The following ANXA8 variants were observed in gnomAD, a reference collection of about 807,000 sequenced individuals.
ANXA8 encodes the protein annexin A8.
Under a neutral mutation model 26.8 loss-of-function variants are expected in ANXA8, and 9 were observed. That is an observed-to-expected ratio of 0.34 (90% confidence interval 0.20 to 0.59). The LOEUF (loss-of-function observed/expected upper bound fraction) is 0.59, where lower values mean the gene tolerates loss of function less well. ANXA8 is among the 20% of genes least tolerant of loss of function. The pLI is 0.84. For synonymous variants in ANXA8, 39 were observed against 94.8 expected (o/e 0.41, Z 3.42); for missense variants, 83 against 238.5 (o/e 0.35, Z 4.29).
At chr10:47,594,972 C>G in the ANXA8 span, among the ~76,000 whole-genome samples, 1 of 149,326 alleles carries the variant, frequency 6.7e-6, no homozygotes, top group Non-Finnish European at 1.5e-5. Flanking sequence ...TTAGACTATC[C>G]AAGGTTAACA....
At chr10:47,951,413 A>G in the ANXA8 span, among the ~76,000 whole-genome samples, 1 of 150,330 alleles carries the variant, frequency 6.7e-6, no homozygotes, top group South Asian at 2.1e-4. Context: ...GTAAAGGAGG[A>G]GGAAAGACTT....
chr10:47,951,811 C>CAAAAA, the ANXA8 span, among the ~76,000 whole-genome samples: 28 of 94,544 alleles, frequency 3.0e-4, no homozygotes, highest in Admixed American at 3.9e-4. Flanking sequence ...ACTCTGTCTC[C>CAAAAA]AAAAAAAAAA....
At chr10:47,721,580 G>A in the ANXA8 span, among the ~76,000 whole-genome samples, 1 of 133,148 alleles carries the variant, frequency 7.5e-6, no homozygotes, top group Non-Finnish European at 1.6e-5. Context: ...TGCCCAGGCT[G>A]GAGTGCACTG....
At chr10:47,653,291 G>A in the ANXA8 span, among the ~76,000 whole-genome samples, 5 of 149,480 alleles carry the variant, frequency 3.3e-5, no homozygotes, top group Non-Finnish European at 2.9e-5. Flanking sequence ...CAGCCTGGGC[G>A]ACAGAGCAAG....
At chr10:47,671,370 C>T in the ANXA8 span, among the ~76,000 whole-genome samples, 7 of 151,678 alleles carry the variant, frequency 4.6e-5, no homozygotes, top group South Asian at 2.1e-4. Context: ...TGTGGTGAGC[C>T]GAGATCGTAG....
the ANXA8 span, among the ~76,000 whole-genome samples, chr10:47,979,469 A>G: frequency 1.3e-5 from 2 of 151,604 alleles, no homozygotes; most frequent in Non-Finnish European, 3.0e-5. Context: ...ACCACGTTAC[A>G]TTACATGACA....
At chr10:47,578,865 T>C in the ANXA8 span, among the ~76,000 whole-genome samples, 1 of 151,988 alleles carries the variant, frequency 6.6e-6, no homozygotes, top group Non-Finnish European at 1.5e-5. Flanking sequence ...TGGGGTTTCT[T>C]TGAGACAGAG....
At chr10:47,610,089 G>T in the ANXA8 span, among the ~76,000 whole-genome samples, 1 of 138,974 alleles carries the variant, frequency 7.2e-6, no homozygotes, top group African/African-American at 2.9e-5. Flanking sequence ...GCAATTATTA[G>T]TGAAGTTTTA....
the ANXA8 span, among the ~76,000 whole-genome samples, chr10:47,768,622 C>A: frequency 6.7e-6 from 1 of 149,118 alleles, no homozygotes; most frequent in South Asian, 2.1e-4. Flanking sequence ...GGGGTGTGCT[C>A]GGGGAGGGGG....
chr10:47,986,185 A>G, the ANXA8 span: 3 of 150,356 alleles, frequency 2.0e-5, no homozygotes, highest in Non-Finnish European at 4.4e-5. Context: ...CAATTTTCAA[A>G]AGTGTTTGCG....
At chr10:47,942,246 T>G in the ANXA8 span, among the ~76,000 whole-genome samples, 1 of 146,486 alleles carries the variant, frequency 6.8e-6, no homozygotes, top group African/African-American at 2.7e-5. Flanking sequence ...CCCTGAGTTC[T>G]TGGTGTTCTG....
chr10:47,987,566 GC>G, the ANXA8 span, among the ~76,000 whole-genome samples: 1 of 143,728 alleles, frequency 7.0e-6, no homozygotes, highest in Non-Finnish European at 1.5e-5. Flanking sequence ...ATCACACAGG[GC>G]CCCCCTTGGC....
the ANXA8 span, among the ~76,000 whole-genome samples, chr10:47,691,608 C>CA: frequency 1.3e-5 from 2 of 149,946 alleles, no homozygotes; most frequent in Admixed American, 6.6e-5. Context: ...CCCGTCTCTA[C>CA]AAAAAATAAA....
At chr10:47,680,062 A>G in the ANXA8 span, among the ~76,000 whole-genome samples, 1 of 150,840 alleles carries the variant, frequency 6.6e-6, no homozygotes, top group African/African-American at 2.5e-5. Context: ...TGCAACCTCC[A>G]CCTCCTGGAT....
At chr10:47,953,583 C>G in the ANXA8 span, among the ~76,000 whole-genome samples, 1 of 150,512 alleles carries the variant, frequency 6.6e-6, no homozygotes, top group African/African-American at 2.5e-5. Context: ...AAAAGCTGCA[C>G]AGCAAAGGAA....
At chr10:47,726,794 T>C in the ANXA8 span, 9 of 1,075,476 alleles carry the variant, frequency 8.4e-6, no homozygotes, top group Admixed American at 5.2e-5. Context: ...GCATTTCTTT[T>C]ATTTGAAAAT....
chr10:47,953,573 A>G, the ANXA8 span, among the ~76,000 whole-genome samples: 2 of 150,676 alleles, frequency 1.3e-5, no homozygotes, highest in Non-Finnish European at 2.9e-5. Flanking sequence ...CATCAAGTTA[A>G]AAAGCTGCAC....
At chr10:47,773,577 TA>T in the ANXA8 span, among the ~76,000 whole-genome samples, 2 of 81,362 alleles carry the variant, frequency 2.5e-5, no homozygotes, top group African/African-American at 8.9e-5. Context: ...TGACTTAACA[TA>T]GGAACAGAAA....
At chr10:47,939,507 G>A in the ANXA8 span, among the ~76,000 whole-genome samples, 677 of 143,596 alleles carry the variant, frequency 4.7e-3, 41 homozygotes, top group Non-Finnish European at 8.4e-3. Context: ...TTTGTGTCCT[G>A]CCCCCAACAC....
Sources: gnomAD v4.1 joint callset for allele counts (sites outside exome capture counted in the v4.1 genomes callset) on GRCh38, gnomAD v4.1.1 for gene constraint, MANE v1.5 for transcripts, NCBI Gene and HGNC (gene_info 2026-07-23, HGNC 2026-07-21) for gene names.